RIF1: variants seen among roughly 807,000 people sequenced by gnomAD.
RIF1 encodes the protein replication timing regulatory factor 1.
In RIF1, 45 loss-of-function variants were observed where a neutral mutation model predicts 247.1. That is an observed-to-expected ratio of 0.18 (90% CI 0.14 to 0.23). The LOEUF (loss-of-function observed/expected upper bound fraction) is 0.23. RIF1 is among the 10% of genes least tolerant of loss of function. The pLI is 1.00. For missense variants in RIF1, 2,967 were observed against 2,862.5 expected, an observed-to-expected ratio of 1.04 and a Z score of -0.83; for synonymous variants, 1,087 against 978.8, an observed-to-expected ratio of 1.11 and a Z score of -2.06.
intron 27 of RIF1, among the ~76,000 whole-genome samples, chr2:151,461,972 C>T (rs1262883302): frequency 6.6e-6 from 1 of 152,188 alleles, no homozygotes. Flanking sequence ...CTCCCGGGCT[C>T]AAGTGATCTT....
the RIF1 span, chr2:151,516,460 C>T: frequency 1.6e-3 from 2,598 of 1,605,246 alleles, 37 homozygotes; most frequent in East Asian, 0.032. Context: ...TTGACTTACC[C>T]CACTCTGCAT....
At chr2:151,456,096 A>G (rs2152461183) in intron 22 of RIF1, among the ~76,000 whole-genome samples, 1 of 152,342 alleles carries the variant, frequency 6.6e-6, no homozygotes, top group South Asian at 2.1e-4. Context: ...TGAAAGAAAA[A>G]AAAAGCCTCA....
chr2:151,497,748 A>C (rs1264484637), intron 10 of RIF1: 3 of 1,554,866 alleles, frequency 1.9e-6, no homozygotes, highest in African/African-American at 1.4e-5. Context: ...CCAGAAAAAC[A>C]ACCATGAGTA....
chr2:151,440,200 C>A, intron 15 of RIF1, 73 bp downstream of exon 15: 2 of 844,372 alleles, frequency 2.4e-6, no homozygotes, highest in Non-Finnish European at 3.8e-6. Context: ...AAGATATTTG[C>A]ACAAATCTAG....
rs1697519885 is a variant in RIF1, at chr2:151,469,828, T to C, written c.7059T>C (p.Asn2353=). The change falls in exon 34 of 36, where the codon AAT becomes AAC. Residue 2353 remains asparagine, a synonymous_variant. Transcript: ENST00000444746. ...TLPIRSPKVS[N]VKKALRIYHE... Reference sequence around the variant, plus strand: ...CTATCCGTTCTCCAAAAGTGTCCAATGTAAAAAAGGCTCTCAGAATATATC... The same window carrying C: ...CTATCCGTTCTCCAAAAGTGTCCAACGTAAAAAAGGCTCTCAGAATATATC... 2 of 1,610,604 alleles carry C rather than the reference T, an allele frequency of 1.2e-6. No homozygotes were observed. The highest frequency in any genetic ancestry group is 1.3e-5 in the African/African-American group (1 of 74,744).
chr2:151,424,901 G>C (rs143513197), intron 8 of RIF1, among the ~76,000 whole-genome samples: 27 of 131,154 alleles, frequency 2.1e-4, no homozygotes, highest in African/African-American at 7.1e-4. Flanking sequence ...TGCTCAGGCT[G>C]GTCTCTAACT....
At chr2:151,410,622 C>T in intron 2 of RIF1, 95 bp downstream of exon 2, 3 of 1,005,706 alleles carry the variant, frequency 3.0e-6, no homozygotes, top group Non-Finnish European at 4.6e-6. Context: ...AATGTGAGTT[C>T]TAGAAGTCTA....
chr2:151,435,098 A>G (rs564008852), intron 10 of RIF1, among the ~76,000 whole-genome samples: 26 of 152,354 alleles, frequency 1.7e-4, no homozygotes, highest in Admixed American at 5.2e-4. Context: ...CATTTGTCCA[A>G]TACATTAATT....
chr2:151,443,465 GTTAACA>G (rs1208296805), intron 17 of RIF1, 58 bp from the exon 18 acceptor site: 4 of 1,440,788 alleles, frequency 2.8e-6, no homozygotes, highest in African/African-American at 1.5e-5. Flanking sequence ...TTAGAATTTT[GTTAACA>G]TTAAATTAAT....
chr2:151,469,359 A>G (rs1697443577), intron 33 of RIF1, among the ~76,000 whole-genome samples: 1 of 152,158 alleles, frequency 6.6e-6, no homozygotes, highest in Non-Finnish European at 1.5e-5. Flanking sequence ...GTATTCTTAA[A>G]CTTCTCTGAG....
At chr2:151,434,181 A>C in intron 10 of RIF1, among the ~76,000 whole-genome samples, 1 of 147,320 alleles carries the variant, frequency 6.8e-6, no homozygotes, top group African/African-American at 2.7e-5. Context: ...AAAAAAAAAA[A>C]AGAGAGAAAT....
chr2:151,472,832 C>CT (rs1559034875), intron 34 of RIF1, among the ~76,000 whole-genome samples: 1 of 152,008 alleles, frequency 6.6e-6, no homozygotes, highest in African/African-American at 2.4e-5. Context: ...CTAAAAATCT[C>CT]TTTTTTTGTT....
intron 20 of RIF1, 115 bp from the exon 21 acceptor site, chr2:151,451,489 ATG>A: frequency 1.6e-6 from 1 of 641,764 alleles, no homozygotes. Flanking sequence ...AAGCTGTGGC[ATG>A]TGTGTTACAT....
rs761686456 is a variant in RIF1, at chr2:151,416,897, G to A, written c.499G>A (p.Val167Ile). Residue 167 changes from valine (V) to isoleucine (I), a missense_variant, in exon 6 of 36, where the codon GTA becomes ATA. Around this residue, in one of 7 missense-constraint regions of RIF1, gnomAD observed 269 missense variants for 288.6 expected, o/e 0.93. Coordinates refer to ENST00000444746, the MANE Select transcript of RIF1 (RefSeq NM_018151.5). ...TGATTTTGAAGCATTAAATGTTATC[G>A]TAAGGTATGCATTTGGATGTTGTGC... ...VVDFEALNVI[V>I]RLIEQAPIQM... The A allele has an allele frequency of 9.3e-6, 15 of 1,604,628 alleles. No individual in the cohort carries two copies. Among genetic ancestry groups the A allele is most frequent in the African/African-American group, 1.3e-5 (1 of 74,720 alleles).
exon 13 of RIF1, chr2:151,506,257 A>G (rs778262334): frequency 1.2e-6 from 2 of 1,609,038 alleles, no homozygotes; most frequent in Non-Finnish European, 1.7e-6. Flanking sequence ...TTTATATAAA[A>G]CCTGGGCATT....
At chr2:151,525,119 C>G in the RIF1 span, 5 of 1,375,364 alleles carry the variant, frequency 3.6e-6, no homozygotes, top group Admixed American at 3.4e-5. Flanking sequence ...CTGGGTTCCA[C>G]TGCTTCAAAT....
intron 10 of RIF1, among the ~76,000 whole-genome samples, chr2:151,498,567 A>C (rs1465900264): frequency 1.3e-5 from 2 of 152,182 alleles, no homozygotes; most frequent in African/African-American, 2.4e-5. Flanking sequence ...GAAATAGGAA[A>C]AGAAAGGTTG....
In RIF1 at chr2:151,468,623, T is replaced by G. The variant is rs1182316233; in HGVS notation, c.6826-18T>G. 1 of 1,610,124 alleles carries G rather than the reference T, an allele frequency of 6.2e-7. No homozygotes were observed. The highest frequency in any genetic ancestry group is 8.5e-7 in the Non-Finnish European group (1 of 1,176,356). ...GTCAGTTGACCTCTGTGTAACAGCT[T>G]CTGAAATTTATTCTAAGATTTCAGA... is the stretch of plus-strand genomic sequence containing the variant. On this transcript the variant is annotated intron_variant, in intron 32 of 35. Transcript: ENST00000444746.
At position 151,455,143 on chromosome 2, in the gene RIF1, T is replaced by C; in HGVS notation, c.2593T>C (p.Phe865Leu). The stretch of plus-strand genomic sequence containing the variant: ...AACTTTAACAAGACCTCTGGCATTA[T>C]TTTATGAAAACTCAAAGTAAGTATT... ...FATLTRPLAL[F>L]YENSKLDEVP... The change falls in exon 22 of 36, where the codon TTT (phenylalanine) becomes CTT (leucine). Residue 865 changes from phenylalanine to leucine, a missense_variant. By Grantham distance (22) the Phe-to-Leu change is conservative (BLOSUM62 0). Transcript: ENST00000444746. The C allele has an allele frequency of 6.2e-7, 1 of 1,609,890 alleles. No individual in the cohort carries two copies. The highest frequency in any genetic ancestry group is 8.5e-7 in the Non-Finnish European group (1 of 1,178,104).
Sources: gnomAD v4.1 joint callset for allele counts (sites outside exome capture counted in the v4.1 genomes callset) on GRCh38, gnomAD v4.1.1 for gene constraint, gnomAD v4.1.1 regional missense constraint, MANE v1.5 for transcripts, NCBI Gene and HGNC (gene_info 2026-07-23, HGNC 2026-07-21) for gene names.